The following ABHD2 variants were observed in gnomAD, a reference collection of about 807,000 sequenced individuals.
ABHD2 encodes the protein abhydrolase domain containing 2, acylglycerol lipase.
Under a neutral mutation model 48.1 loss-of-function variants are expected in ABHD2, and 20 were observed. That is an observed-to-expected ratio of 0.42 (90% confidence interval 0.29 to 0.60). The LOEUF is 0.60. Ranked by LOEUF, ABHD2 falls within the 20% of genes least tolerant of loss-of-function variation. The pLI is 0.24. For synonymous variants in ABHD2, 209 were observed against 214.2 expected, an observed-to-expected ratio of 0.98 and a Z score of 0.21; for missense variants, 405 against 550.9, an observed-to-expected ratio of 0.74 and a Z score of 2.65.
Position 89,097,010 on chromosome 15 carries a change from G to A in ABHD2, c.-107+8447G>A, listed in dbSNP as rs769426280. 3.9e-5 allele frequency among the ~76,000 whole-genome samples: 6 copies of A among 152,358 alleles called. No homozygotes were observed. The highest frequency in any genetic ancestry group is 4.8e-5 in the African/African-American group (2 of 41,582). On this transcript the variant is annotated intron_variant, in intron 1 of 10. Coordinates refer to ENST00000352732, the MANE Select transcript of ABHD2 (RefSeq NM_152924.5). This position sits in a 1 kb window ranked among gnomAD's most constrained non-coding sequence, Gnocchi z 4.2. Reference sequence around the variant, plus strand: ...CAGGCAACTCATCAGCCCAGGGACAGTAGAGGCTTGATCGCAGCTGAAAGT... The same window carrying A: ...CAGGCAACTCATCAGCCCAGGGACAATAGAGGCTTGATCGCAGCTGAAAGT...
intron 3 of ABHD2, among the ~76,000 whole-genome samples, chr15:89,132,565 T>G (rs2050237425): frequency 6.6e-6 from 1 of 152,190 alleles, no homozygotes. Context: ...TTTGCAAGGC[T>G]TGTGAGGATA....
intron 8 of ABHD2, among the ~76,000 whole-genome samples, chr15:89,190,382 C>T (rs944195810): frequency 2.0e-5 from 3 of 152,180 alleles, no homozygotes; most frequent in Admixed American, 2.0e-4. Context: ...ATCTCTATTG[C>T]TCTGTAGTCA....
chr15:89,104,534 C>G lies in ABHD2; in HGVS notation c.-106-9191C>G, dbSNP rs982576074. Among the ~76,000 whole-genome samples, 1 of 152,160 alleles carries G rather than the reference C, an allele frequency of 6.6e-6. No homozygotes were observed. The highest frequency in any genetic ancestry group is 1.5e-5 in the Non-Finnish European group (1 of 68,032). On this transcript the variant is annotated intron_variant, in intron 1 of 10. Coordinates refer to ENST00000352732, the MANE Select transcript of ABHD2 (RefSeq NM_152924.5). The surrounding 1 kb of genome is among the most constrained non-coding windows in gnomAD (Gnocchi z 4.4). ...AGCCAAGTACTGGGGGCACTGGGAG[C>G]CTTGTCTGCTCCCAGTCGGCGTTGG... is the stretch of plus-strand genomic sequence containing the variant.
In ABHD2 at chr15:89,120,247, G is replaced by C. The variant is rs1038622725; in HGVS notation, c.194+3726G>C. On this transcript the variant is annotated intron_variant, in intron 3 of 10. Coordinates refer to ENST00000352732, the MANE Select transcript of ABHD2 (RefSeq NM_152924.5). This position sits in a 1 kb window ranked among gnomAD's most constrained non-coding sequence, Gnocchi z 4.2. ...CTGGAGGAAAACTTTGCTTCAGTGGGATGTTATGTCTCCTGTTCTCTTAGA... is the reference window on the plus strand; with the variant it reads ...CTGGAGGAAAACTTTGCTTCAGTGGCATGTTATGTCTCCTGTTCTCTTAGA... Among the ~76,000 whole-genome samples the C allele has an allele frequency of 6.6e-6, 1 of 152,096 alleles. No homozygotes were observed. Among genetic ancestry groups the C allele is most frequent in the African/African-American group, 2.4e-5 (1 of 41,404 alleles).
chr15:89,081,166 ATT>A, the ABHD2 span, among the ~76,000 whole-genome samples: 241 of 115,286 alleles, frequency 2.1e-3, 1 homozygote, highest in African/African-American at 8.2e-3. Flanking sequence ...TGCCCAGCTA[ATT>A]TTTTTTTTTT....
At chr15:89,078,725 C>CTTTTT in the ABHD2 span, among the ~76,000 whole-genome samples, 13 of 143,662 alleles carry the variant, frequency 9.0e-5, no homozygotes, top group African/African-American at 1.0e-4. Flanking sequence ...ACAATGTAGG[C>CTTTTT]TTTTTTTTTT....
Position 89,199,144 on chromosome 15 carries a change from G to A in ABHD2, c.*3721G>A, listed in dbSNP as rs144635404. ...TTATATGCCCGGCATCTGAATGAGA[G>A]CTCTCTTTGTAACTGTGTGACTTGA... On this transcript the variant is annotated 3_prime_UTR_variant, in exon 11 of 11. Transcript: ENST00000352732. The surrounding 1 kb of genome is among the most constrained non-coding windows in gnomAD (Gnocchi z 4.1). 1.3e-5 allele frequency: 2 copies of A among 151,932 alleles called. No individual in the cohort carries two copies. The highest frequency in any genetic ancestry group is 2.1e-4 in the South Asian group (1 of 4,810). The allele number at this position is 151,932 out of a possible 1,614,324, so 9.4% of individuals were successfully genotyped here. A position where few individuals can be genotyped will look rare whatever the true frequency, so the allele number is the denominator to read the frequency against.
intron 4 of ABHD2, among the ~76,000 whole-genome samples, chr15:89,152,135 G>A (rs1425108219): frequency 6.6e-6 from 1 of 151,912 alleles, no homozygotes; most frequent in Admixed American, 6.5e-5. Flanking sequence ...GAGTGCGGTG[G>A]CACGATCTCG....
Position 89,187,547 on chromosome 15 carries a change from G to A in ABHD2, c.816-646G>A, listed in dbSNP as rs560650843. Among the ~76,000 whole-genome samples, 3 of 152,256 alleles carry A rather than the reference G, an allele frequency of 2.0e-5. No individual in the cohort carries two copies. The South Asian group carries it at 6.2e-4, about 32-fold the overall frequency. ...TGTGACTGAGAGCCCTTGCTGGGAA[G>A]AGAGGTCAAAAATGCACGTTGTGAC... is the stretch of plus-strand genomic sequence containing the variant. On this transcript the variant is annotated intron_variant, in intron 7 of 10. Coordinates refer to ENST00000352732, the MANE Select transcript of ABHD2 (RefSeq NM_152924.5).
intron 1 of ABHD2, among the ~76,000 whole-genome samples, chr15:89,103,323 G>T (rs934190303): frequency 1.3e-5 from 2 of 152,130 alleles, no homozygotes; most frequent in Non-Finnish European, 2.9e-5. Context: ...GAGGATATCC[G>T]TGCATATTTT....
At chr15:89,073,000 C>T in the ABHD2 span, among the ~76,000 whole-genome samples, 1 of 152,048 alleles carries the variant, frequency 6.6e-6, no homozygotes, top group East Asian at 1.9e-4. Flanking sequence ...ATAAGTATAG[C>T]CCACACAATA....
At chr15:89,089,150 G>T (rs1010977909) in intron 1 of ABHD2, among the ~76,000 whole-genome samples, 2 of 152,240 alleles carry the variant, frequency 1.3e-5, no homozygotes, top group Non-Finnish European at 2.9e-5. Context: ...GTCCAGCAGC[G>T]CAGGAGGCTG....
chr15:89,136,810 A>G (rs78865792), intron 3 of ABHD2, among the ~76,000 whole-genome samples: 4,662 of 152,308 alleles, frequency 0.031, 239 homozygotes, highest in African/African-American at 0.11. Context: ...CCCTCCCCAT[A>G]ACGCTGGCAC....
chr15:89,159,716 A>G (rs2050733395), intron 5 of ABHD2, among the ~76,000 whole-genome samples: 2 of 152,232 alleles, frequency 1.3e-5, no homozygotes, highest in Admixed American at 1.3e-4. Flanking sequence ...AGGTGAATCC[A>G]TCAGGGGAGA....
At chr15:89,082,172 G>C in the ABHD2 span, among the ~76,000 whole-genome samples, 1 of 152,168 alleles carries the variant, frequency 6.6e-6, no homozygotes, top group Non-Finnish European at 1.5e-5. This position sits in a 1 kb window ranked among gnomAD's most constrained non-coding sequence, Gnocchi z 4.4. Context: ...CACTGGTTTA[G>C]GATGGGGCTG....
In ABHD2 at chr15:89,191,161, T is replaced by C. The variant is rs368308515; in HGVS notation, c.996+12T>C. The C allele has an allele frequency of 1.9e-6, 3 of 1,613,712 alleles. No individual in the cohort carries two copies. Among genetic ancestry groups the C allele is most frequent in the South Asian group, 1.1e-5 (1 of 91,070 alleles). On this transcript the variant is annotated intron_variant, in intron 9 of 10. Coordinates refer to ENST00000352732, the MANE Select transcript of ABHD2 (RefSeq NM_152924.5). ...GGTACCTGCACAGGGTGAGTGGCCA[T>C]CACGGGCTCAGAATCAGCATCACTC...
At chr15:89,081,444 A>C in the ABHD2 span, among the ~76,000 whole-genome samples, 2 of 152,186 alleles carry the variant, frequency 1.3e-5, no homozygotes, top group Admixed American at 1.3e-4. Context: ...TAATGCTGCT[A>C]TGAACCCTGG....
In ABHD2 at chr15:89,195,622, G is replaced by A; in HGVS notation, c.*199G>A. 3.6e-6 allele frequency: 2 copies of A among 549,908 alleles called. No homozygotes were observed. Among genetic ancestry groups the A allele is most frequent in the Non-Finnish European group, 6.3e-6 (2 of 316,462 alleles). 34.1% of individuals were successfully genotyped at this position (549,908 alleles called of 1,614,324 possible). ...AGGCTATTTTTGTGCTTAGTTACTG[G>A]TTTTCTCCATTGCATTGTTAGGCAT... On this transcript the variant is annotated 3_prime_UTR_variant, in exon 11 of 11. Coordinates refer to ENST00000352732, the MANE Select transcript of ABHD2 (RefSeq NM_152924.5). The surrounding 1 kb of genome is among the most constrained non-coding windows in gnomAD (Gnocchi z 5.1).
Position 89,167,995 on chromosome 15 carries a change from T to TATCCAC in ABHD2, c.539-7815_539-7810dup. 6.6e-6 allele frequency among the ~76,000 whole-genome samples: 1 copy of TATCCAC among 152,346 alleles called. No individual in the cohort carries two copies. The highest frequency in any genetic ancestry group is 1.9e-4 in the East Asian group (1 of 5,186). ...CTTATCCACCTGACATTTTGTGGCA[T>TATCCAC]ATCCACAGATGCCATGCATGGGCCT... On this transcript the variant is annotated intron_variant, in intron 5 of 10. Transcript: ENST00000352732. The surrounding 1 kb of genome is among the most constrained non-coding windows in gnomAD (Gnocchi z 5.5).
Sources: allele counts gnomAD v4.1 joint callset (sites outside exome capture counted in the v4.1 genomes callset), GRCh38; gene constraint gnomAD v4.1.1; non-coding constraint Gnocchi (gnomAD v3.1); transcripts MANE v1.5; gene names NCBI Gene and HGNC (gene_info 2026-07-23, HGNC 2026-07-21).